NDRG3: variants seen among roughly 807,000 people sequenced by gnomAD.
NDRG3 encodes NDRG family member 3, also known as protein NDRG3.
NDRG3 carries 23 observed loss-of-function variants against 57.2 expected under a neutral mutation model. That is an observed-to-expected ratio of 0.40 (90% CI 0.29 to 0.57). NDRG3 has a LOEUF of 0.57. Ranked by LOEUF, NDRG3 falls within the 20% of genes least tolerant of loss-of-function variation. The pLI, the probability that NDRG3 is intolerant of heterozygous loss-of-function variation, is 0.42. For missense variants in NDRG3, 384 were observed against 457.3 expected (o/e 0.84, Z 1.46); for synonymous variants, 132 against 162.6 (o/e 0.81, Z 1.43).
chr20:36,741,895 A>G (rs1568678671), intron 1 of NDRG3, among the ~76,000 whole-genome samples: 1 of 152,210 alleles, frequency 6.6e-6, no homozygotes, highest in South Asian at 2.1e-4. Context: ...GCTGGTGCAC[A>G]CTAAAGATTG....
At chr20:36,668,123 T>A (rs1979794866) in intron 9 of NDRG3, among the ~76,000 whole-genome samples, 1 of 152,108 alleles carries the variant, frequency 6.6e-6, no homozygotes, top group Admixed American at 6.6e-5. Flanking sequence ...GTGCCTGTAG[T>A]ACTAGCTACT....
At chr20:36,674,595 CTT>C (rs561643631) in intron 8 of NDRG3, among the ~76,000 whole-genome samples, 164 of 116,712 alleles carry the variant, frequency 1.4e-3, no homozygotes, top group East Asian at 6.2e-3. Context: ...ATCAATAAAG[CTT>C]TTTTTTTTTT....
intron 3 of NDRG3, among the ~76,000 whole-genome samples, chr20:36,703,342 T>A (rs1040388017): frequency 1.3e-5 from 2 of 152,004 alleles, no homozygotes; most frequent in Non-Finnish European, 2.9e-5. Context: ...TGGATATATA[T>A]ACCCACACAC....
intron 1 of NDRG3, among the ~76,000 whole-genome samples, chr20:36,724,774 A>G (rs1360763332): frequency 1.3e-5 from 2 of 152,024 alleles, no homozygotes; most frequent in Admixed American, 6.6e-5. Flanking sequence ...CTAAAAGTAC[A>G]AAGATTAGCT....
chr20:36,663,681 A>G (rs1360617019), intron 12 of NDRG3, among the ~76,000 whole-genome samples: 1 of 152,234 alleles, frequency 6.6e-6, no homozygotes, highest in African/African-American at 2.4e-5. Context: ...AACCTGGCAA[A>G]ATGTATTAAA....
At chr20:36,702,570 C>A (rs1983304956) in intron 3 of NDRG3, among the ~76,000 whole-genome samples, 1 of 152,094 alleles carries the variant, frequency 6.6e-6, no homozygotes, top group African/African-American at 2.4e-5. Flanking sequence ...GTCACCCAGG[C>A]TGCAGTGCAA....
At chr20:36,667,378 AG>A (rs1213870703) in intron 9 of NDRG3, among the ~76,000 whole-genome samples, 1 of 151,828 alleles carries the variant, frequency 6.6e-6, no homozygotes. Flanking sequence ...CCTGGGCTCA[AG>A]ATCCTCCTGC....
At chr20:36,671,869 CAT>C (rs1331991299) in intron 8 of NDRG3, among the ~76,000 whole-genome samples, 2 of 149,398 alleles carry the variant, frequency 1.3e-5, no homozygotes, top group East Asian at 3.9e-4. Context: ...TTCAAAGAAA[CAT>C]AGAGATGAGA....
At chr20:36,704,370 C>A (rs1300046774) in intron 3 of NDRG3, among the ~76,000 whole-genome samples, 1 of 152,032 alleles carries the variant, frequency 6.6e-6, no homozygotes, top group Non-Finnish European at 1.5e-5. Flanking sequence ...CCACCGCACC[C>A]CACTATATTC....
Position 36,682,513 on chromosome 20 carries a change from C to T in NDRG3, c.444+5G>A. On this transcript the variant is annotated splice_donor_5th_base_variant and intron_variant, in intron 7 of 15. Coordinates refer to ENST00000349004, the MANE Select transcript of NDRG3 (RefSeq NM_032013.4). ...GATGTTGAGGCTAATCCTCTACATA[C>T]TTACTGCAAATCTGCTGAGGATGTA... The T allele has an allele frequency of 6.2e-7, 1 of 1,613,048 alleles. No individual in the cohort carries two copies. Among genetic ancestry groups the T allele is most frequent in the Non-Finnish European group, 8.5e-7 (1 of 1,179,080 alleles).
chr20:36,664,493 A>ATC (rs1381753738), intron 12 of NDRG3, among the ~76,000 whole-genome samples: 12 of 152,326 alleles, frequency 7.9e-5, no homozygotes, highest in African/African-American at 2.9e-4. Context: ...CAATAAGTAA[A>ATC]TGGTGTTTAG....
intron 8 of NDRG3, 129 bp downstream of exon 8, chr20:36,680,687 T>C (rs1038514956): frequency 6.4e-6 from 4 of 623,858 alleles, no homozygotes; most frequent in African/African-American, 3.7e-5. Flanking sequence ...TGATTTTATA[T>C]GTAAACATTC....
At chr20:36,655,331 T>C (rs1014160579) in intron 15 of NDRG3, among the ~76,000 whole-genome samples, 11 of 152,236 alleles carry the variant, frequency 7.2e-5, no homozygotes, top group African/African-American at 2.7e-4. Flanking sequence ...TTATCCACAC[T>C]AATACCAAAG....
intron 1 of NDRG3, 32 bp downstream of exon 1, chr20:36,746,013 C>G (rs1233245427): frequency 3.1e-6 from 1 of 317,638 alleles, no homozygotes; most frequent in Non-Finnish European, 5.8e-6. Context: ...CGCCGCGCGC[C>G]CCCCGCGGGC....
intron 9 of NDRG3, among the ~76,000 whole-genome samples, chr20:36,670,815 ACTTTTCC>A (rs1037053213): frequency 2.0e-5 from 3 of 152,036 alleles, no homozygotes; most frequent in African/African-American, 7.2e-5. Flanking sequence ...CACCCAACTC[ACTTTTCC>A]CTTTGAAGAA....
chr20:36,736,971 T>C (rs1985640647), intron 1 of NDRG3, among the ~76,000 whole-genome samples: 1 of 152,110 alleles, frequency 6.6e-6, no homozygotes, highest in African/African-American at 2.4e-5. Context: ...ACACCCCTCA[T>C]ATTTTCCTGA....
At chr20:36,712,427 G>A (rs1429405086) in intron 2 of NDRG3, among the ~76,000 whole-genome samples, 3 of 127,136 alleles carry the variant, frequency 2.4e-5, no homozygotes, top group African/African-American at 9.1e-5. Context: ...ATAGGGTCTC[G>A]CTCTGTCAGC....
intron 10 of NDRG3, among the ~76,000 whole-genome samples, chr20:36,665,755 C>T (rs541394041): frequency 1.5e-4 from 23 of 152,290 alleles, no homozygotes; most frequent in African/African-American, 5.5e-4. Context: ...CCCGCCACTA[C>T]ACCCGGCTAA....
intron 1 of NDRG3, among the ~76,000 whole-genome samples, chr20:36,742,016 C>T (rs1175796704): frequency 6.6e-6 from 1 of 152,110 alleles, no homozygotes; most frequent in Non-Finnish European, 1.5e-5. Flanking sequence ...TTTTCCTGTC[C>T]TTTTGATTAA....
Sources: gnomAD v4.1 joint callset for allele counts (sites outside exome capture counted in the v4.1 genomes callset) on GRCh38, gnomAD v4.1.1 for gene constraint, MANE v1.5 for transcripts, NCBI Gene and HGNC (gene_info 2026-07-23, HGNC 2026-07-21) for gene names.